The following GABRR2 variants were observed in gnomAD, a reference collection of about 807,000 sequenced individuals.
GABRR2 encodes gamma-aminobutyric acid type A receptor subunit rho2.
Under a neutral mutation model 47.0 loss-of-function variants are expected in GABRR2, and 36 were observed. The observed-to-expected ratio is 0.77, with a 90% confidence interval of 0.59 to 1.01. The LOEUF (loss-of-function observed/expected upper bound fraction) is 1.01, where lower values mean the gene tolerates loss of function less well. Ranked by LOEUF, GABRR2 falls within the 50% of genes least tolerant of loss-of-function variation. GABRR2 has a pLI of 0.00. For missense variants in GABRR2, 587 were observed against 594.6 expected, an observed-to-expected ratio of 0.99 and a Z score of 0.13; for synonymous variants, 204 against 227.5, an observed-to-expected ratio of 0.90 and a Z score of 0.93.
rs114265634 is a variant in GABRR2, at chr6:89,285,184, G to C, written c.221-13462C>G. Among the ~76,000 whole-genome samples the C allele has an allele frequency of 3.7e-3, 557 of 152,298 alleles. 2 individuals are homozygous for C. The highest frequency in any genetic ancestry group is 0.013 in the African/African-American group (538 of 41,550). Reference sequence around the variant, plus strand: ...AACATCCAGTCCCCAGCAGCACCTGGGCTTCTCCCCATGGGATAGCCAAGG... The same window carrying C: ...AACATCCAGTCCCCAGCAGCACCTGCGCTTCTCCCCATGGGATAGCCAAGG... On this transcript the variant is annotated intron_variant, in intron 2 of 8. Transcript: ENST00000402938.
Position 89,257,641 on chromosome 6 carries a change from GC to G in GABRR2, c.*28del, listed in dbSNP as rs758162386. On this transcript the variant is annotated 3_prime_UTR_variant, in exon 9 of 9. Transcript: ENST00000402938. ...CTGGCCAGGCCCCCTCGATGTCTAT[GC>G]CCTCTTCTAGGAACAGCCTTGGAGC... 50 of 1,569,358 alleles carry G rather than the reference GC, an allele frequency of 3.2e-5. No homozygotes were observed. The South Asian group carries it at 5.4e-4, about 17-fold the overall frequency.
intron 2 of GABRR2, among the ~76,000 whole-genome samples, chr6:89,298,121 C>G (rs367880705): frequency 1.7e-4 from 26 of 152,308 alleles, no homozygotes; most frequent in African/African-American, 6.3e-4. Context: ...GTGGCCTCTT[C>G]TTGACCTTCC....
chr6:89,299,683 G>A, intron 2 of GABRR2, 76 bp downstream of exon 2: 2 of 939,492 alleles, frequency 2.1e-6, no homozygotes, highest in Non-Finnish European at 3.5e-6. Flanking sequence ...CGCTGTGCCA[G>A]AGGGAGCCAG....
chr6:89,302,667 G>A (rs1406103188), intron 1 of GABRR2: 2 of 1,293,300 alleles, frequency 1.5e-6, no homozygotes, highest in East Asian at 6.9e-5. Context: ...CATGATGGCT[G>A]CCCGCGACCG....
chr6:89,292,055 C>T (rs1011486391), intron 2 of GABRR2, among the ~76,000 whole-genome samples: 2 of 152,070 alleles, frequency 1.3e-5, no homozygotes, highest in Non-Finnish European at 2.9e-5. Context: ...CCTACTGGGT[C>T]GCTAGGGCCA....
At chr6:89,313,847 G>A (rs1028334048) in intron 1 of GABRR2, among the ~76,000 whole-genome samples, 3 of 152,108 alleles carry the variant, frequency 2.0e-5, no homozygotes, top group Admixed American at 1.3e-4. Flanking sequence ...AACCCGGGAG[G>A]TGGAGGTTGC....
chr6:89,297,825 C>G (rs1452988839), intron 2 of GABRR2, among the ~76,000 whole-genome samples: 2 of 152,076 alleles, frequency 1.3e-5, no homozygotes, highest in East Asian at 3.9e-4. Context: ...TGCACTCCAG[C>G]CTAGGTGACA....
At chr6:89,295,967 G>T (rs1334174744) in intron 2 of GABRR2, among the ~76,000 whole-genome samples, 2 of 152,208 alleles carry the variant, frequency 1.3e-5, no homozygotes, top group African/African-American at 4.8e-5. Flanking sequence ...TGTGGGTTCT[G>T]TTCCATTGGT....
At chr6:89,280,231 T>C (rs1234141288) in intron 2 of GABRR2, among the ~76,000 whole-genome samples, 2 of 83,160 alleles carry the variant, frequency 2.4e-5, no homozygotes, top group East Asian at 7.6e-4. Flanking sequence ...TATATATATA[T>C]ATATATATAT....
In GABRR2 at chr6:89,291,415, C is replaced by T. The variant is rs1002800679; in HGVS notation, c.220+8344G>A. 3.3e-5 allele frequency among the ~76,000 whole-genome samples: 5 copies of T among 152,220 alleles called. No individual in the cohort carries two copies. The East Asian group carries it at 5.8e-4, about 18-fold the overall frequency. On this transcript the variant is annotated intron_variant, in intron 2 of 8. Coordinates refer to ENST00000402938, the MANE Select transcript of GABRR2 (RefSeq NM_002043.5). ...ACTCAGCAAAGCCCTCCCAGAGCGG[C>T]GCTGCCCATTGCTCCAGCCTTCTTT...
chr6:89,261,756 G>C (rs1773750943), intron 8 of GABRR2, among the ~76,000 whole-genome samples: 1 of 152,112 alleles, frequency 6.6e-6, no homozygotes, highest in Admixed American at 6.6e-5. Context: ...AAACAATTTG[G>C]GGCTGGTGCG....
At chr6:89,276,243 AT>A (rs1409424489) in intron 2 of GABRR2, among the ~76,000 whole-genome samples, 1 of 150,984 alleles carries the variant, frequency 6.6e-6, no homozygotes, top group Non-Finnish European at 1.5e-5. Flanking sequence ...AATAAAGAAT[AT>A]AAACAGATCC....
At chr6:89,303,647 GAAAAAAA>G (rs34541330) in intron 1 of GABRR2, among the ~76,000 whole-genome samples, 18 of 102,718 alleles carry the variant, frequency 1.8e-4, no homozygotes, top group Non-Finnish European at 9.7e-5. Flanking sequence ...TCTTAAGGAG[GAAAAAAA>G]AAAAAAAAAA....
At chr6:89,297,064 T>C (rs967971848) in intron 2 of GABRR2, among the ~76,000 whole-genome samples, 6 of 152,140 alleles carry the variant, frequency 3.9e-5, no homozygotes, top group Non-Finnish European at 7.3e-5. Context: ...CCACACTCGG[T>C]GCACACCCAC....
rs1773980586 is a variant in GABRR2 at position 89,269,068 on chromosome 6, G to A, written c.455C>T (p.Thr152Ile). ...HSKRSFTHDT[T>I]TDNIMLRVFP... ...CACCCTCAGCATGATGTTGTCAGTG[G>A]TGGTGTCATGAGTGAACGATCTTTT... Residue 152 changes from threonine to isoleucine, a missense_variant, in exon 4 of 9, where the codon ACC becomes ATC. Thr to Ile is a moderately conservative substitution (Grantham distance 89, BLOSUM62 -1). Coordinates refer to ENST00000402938, the MANE Select transcript of GABRR2 (RefSeq NM_002043.5). The A allele has an allele frequency of 6.2e-7, 1 of 1,613,930 alleles. No individual in the cohort carries two copies. Among genetic ancestry groups the A allele is most frequent in the East Asian group, 2.2e-5 (1 of 44,900 alleles).
At chr6:89,305,622 TCA>T (rs113461901) in intron 1 of GABRR2, among the ~76,000 whole-genome samples, 3 of 151,054 alleles carry the variant, frequency 2.0e-5, no homozygotes, top group African/African-American at 4.9e-5. Context: ...AGACCCTGTC[TCA>T]CACACACACA....
intron 2 of GABRR2, among the ~76,000 whole-genome samples, chr6:89,283,524 G>A (rs941308394): frequency 2.6e-5 from 4 of 152,160 alleles, no homozygotes; most frequent in Admixed American, 6.5e-5. Context: ...CCAATGTACA[G>A]AAGAGTATGT....
chr6:89,268,924 C>T (rs961902991), intron 4 of GABRR2, 87 bp downstream of exon 4: 24 of 1,200,434 alleles, frequency 2.0e-5, no homozygotes, highest in African/African-American at 1.8e-4. Context: ...CAGACCCAAC[C>T]GCAGTGACAG....
intron 2 of GABRR2, among the ~76,000 whole-genome samples, chr6:89,274,215 C>A (rs1335064086): frequency 6.6e-6 from 1 of 152,208 alleles, no homozygotes; most frequent in Non-Finnish European, 1.5e-5. Context: ...CAGGTCAAGG[C>A]CTCAGATGCC....
Sources: gnomAD v4.1 joint callset for allele counts (sites outside exome capture counted in the v4.1 genomes callset) on GRCh38, gnomAD v4.1.1 for gene constraint, MANE v1.5 for transcripts, NCBI Gene and HGNC (gene_info 2026-07-23, HGNC 2026-07-21) for gene names.